RASA3: variants seen among roughly 807,000 people sequenced by gnomAD.
The protein encoded by RASA3 is RAS p21 protein activator 3, also known as ras GTPase-activating protein 3.
RASA3 carries 73 observed loss-of-function variants against 110.0 expected under a neutral mutation model. The ratio of observed to expected loss-of-function variants is 0.66; its 90% CI spans 0.55 to 0.81. The LOEUF (loss-of-function observed/expected upper bound fraction) is 0.81, where lower values mean the gene tolerates loss of function less well. Ranked by LOEUF, RASA3 falls within the 30% of genes least tolerant of loss-of-function variation. The probability of loss-of-function intolerance (pLI) is 0.00; values close to 1 mark genes in which losing one functional copy is unlikely to be tolerated. For missense variants in RASA3, 976 were observed against 1,113.2 expected (o/e 0.88, Z 1.75); for synonymous variants, 500 against 451.4 (o/e 1.11, Z -1.37).
chr13:114,073,594 A>G (rs1008421844), intron 2 of RASA3, 126 bp downstream of exon 2: 5 of 795,072 alleles, frequency 6.3e-6, no homozygotes, highest in Non-Finnish European at 1.1e-5. Flanking sequence ...GGAAAACGGG[A>G]TGGTGACGTA....
At chr13:114,058,238 A>C (rs1296644474) in intron 2 of RASA3, among the ~76,000 whole-genome samples, 1 of 151,376 alleles carries the variant, frequency 6.6e-6, no homozygotes, top group African/African-American at 2.4e-5. Context: ...AGCCCCATGG[A>C]GACCACCCAC....
At chr13:114,061,456 G>T (rs1489205817) in intron 2 of RASA3, among the ~76,000 whole-genome samples, 2 of 151,864 alleles carry the variant, frequency 1.3e-5, no homozygotes, top group Non-Finnish European at 2.9e-5. Context: ...GGATCATGAG[G>T]TCAAGAGATT....
chr13:114,097,050 C>T (rs746530041), intron 1 of RASA3, among the ~76,000 whole-genome samples: 7 of 152,160 alleles, frequency 4.6e-5, no homozygotes, highest in African/African-American at 9.7e-5. Flanking sequence ...GTGTTCATGG[C>T]GTCACAGTTG....
At chr13:114,128,666 T>C (rs1345155124) in intron 1 of RASA3, among the ~76,000 whole-genome samples, 1 of 152,226 alleles carries the variant, frequency 6.6e-6, no homozygotes, top group African/African-American at 2.4e-5. Context: ...AGCGGTTCAA[T>C]GTTGGGCCAG....
At chr13:113,997,163 C>G (rs992147785) in intron 20 of RASA3, among the ~76,000 whole-genome samples, 1 of 152,188 alleles carries the variant, frequency 6.6e-6, no homozygotes, top group Non-Finnish European at 1.5e-5. Context: ...CCAGGTGGCC[C>G]GGCCTGCTCA....
intron 1 of RASA3, among the ~76,000 whole-genome samples, chr13:114,109,938 G>A (rs1316161065): frequency 1.3e-5 from 2 of 152,166 alleles, no homozygotes; most frequent in Non-Finnish European, 2.9e-5. Context: ...CCCGGTGAAC[G>A]TCCCGTCTCC....
chr13:114,097,752 T>C (rs947861277), intron 1 of RASA3, among the ~76,000 whole-genome samples: 6 of 152,196 alleles, frequency 3.9e-5, no homozygotes, highest in African/African-American at 1.4e-4. Context: ...GGAGCTGATG[T>C]GCAGGTTTCT....
rs374464138 is a variant in RASA3, at chr13:114,017,258, G to A, written c.1185C>T (p.Thr395=). 8 of 1,613,708 alleles carry A rather than the reference G, an allele frequency of 5.0e-6. No individual in the cohort carries two copies. In the East Asian group the frequency reaches 1.3e-4, roughly 27 times the overall value. Reference sequence around the variant, plus strand: ...TCACCTCCTCGATGGCGGGCTTCAGGGTGACATGCAGGTAATGCATCCCCG... The same window carrying A: ...TCACCTCCTCGATGGCGGGCTTCAGAGTGACATGCAGGTAATGCATCCCCG... ...KLAGMHYLHV[T]LKPAIEEICQ... The change falls in exon 12 of 24, where the codon ACC becomes ACT. Residue 395 remains threonine, a synonymous_variant. Transcript: ENST00000334062.
intron 16 of RASA3, among the ~76,000 whole-genome samples, chr13:114,010,849 C>A (rs1486123544): frequency 1.9e-5 from 1 of 52,590 alleles, no homozygotes; most frequent in Non-Finnish European, 3.8e-5. Flanking sequence ...CACCGCAACG[C>A]CCAGGAGGCG....
rs1480145710 is a variant in RASA3 at position 114,056,216 on chromosome 13, G to A, written c.174-4061C>T. ...GATGTGTGTCCGATGAATGTCCAGT[G>A]CGTGTCCAATGCGTGTCTGGTGAGT... On this transcript the variant is annotated intron_variant, in intron 2 of 23. Transcript: ENST00000334062. This position sits in a 1 kb window ranked among gnomAD's most constrained non-coding sequence, Gnocchi z 5.7. Among the ~76,000 whole-genome samples, 1 of 152,212 alleles carries A rather than the reference G, an allele frequency of 6.6e-6. No homozygotes were observed. The highest frequency in any genetic ancestry group is 2.4e-5 in the African/African-American group (1 of 41,444).
intron 22 of RASA3, among the ~76,000 whole-genome samples, chr13:113,991,049 G>A (rs78307120): frequency 0.28 from 10,707 of 38,692 alleles, 2,305 homozygotes; most frequent in Middle Eastern, 0.46. Flanking sequence ...GGGCAGCTGT[G>A]CGGACACCCA....
intron 4 of RASA3, among the ~76,000 whole-genome samples, chr13:114,030,394 G>GA (rs2054128804): frequency 1.2e-4 from 7 of 57,398 alleles, no homozygotes; most frequent in African/African-American, 1.8e-4. Flanking sequence ...TCACACAGGA[G>GA]GCAAGACTCA....
chr13:114,126,246 G>A (rs1179930953), intron 1 of RASA3, among the ~76,000 whole-genome samples: 2 of 152,162 alleles, frequency 1.3e-5, no homozygotes, highest in Non-Finnish European at 2.9e-5. Flanking sequence ...GGCACCTGCG[G>A]GGCATGACAC....
chr13:114,100,070 G>A (rs561548890), intron 1 of RASA3, among the ~76,000 whole-genome samples: 6 of 150,672 alleles, frequency 4.0e-5, no homozygotes, highest in African/African-American at 1.5e-4. Context: ...CGTCTGCTCT[G>A]GAAGAGCGGC....
At chr13:113,997,956 G>A (rs991214556) in intron 20 of RASA3, among the ~76,000 whole-genome samples, 12 of 152,204 alleles carry the variant, frequency 7.9e-5, no homozygotes, top group East Asian at 1.9e-4. Context: ...CATGGAGGGC[G>A]TCCTGGCCAT....
rs550194066 is a variant in RASA3, at chr13:114,102,241, C to T, written c.56-28404G>A. Among the ~76,000 whole-genome samples the T allele has an allele frequency of 3.1e-4, 47 of 151,636 alleles. 1 individual carries two copies. The highest frequency in any genetic ancestry group is 9.7e-4 in the African/African-American group (40 of 41,414). On this transcript the variant is annotated intron_variant, in intron 1 of 23. Coordinates refer to ENST00000334062, the MANE Select transcript of RASA3 (RefSeq NM_007368.4). ...GGGTGGTAGGCGGGCAGCAGGTGGGCGGTAGGCGGGCAGTGGGCAGGCAGC... is the reference window on the plus strand; with the variant it reads ...GGGTGGTAGGCGGGCAGCAGGTGGGTGGTAGGCGGGCAGTGGGCAGGCAGC...
chr13:114,111,186 G>C (rs1381954553), intron 1 of RASA3, among the ~76,000 whole-genome samples: 4 of 63,088 alleles, frequency 6.3e-5, no homozygotes, highest in African/African-American at 2.0e-4. Context: ...AGCCACAAAC[G>C]AGCTGCAGGC....
intron 18 of RASA3, among the ~76,000 whole-genome samples, chr13:114,002,649 T>C (rs1012607293): frequency 1.4e-4 from 22 of 152,326 alleles, no homozygotes; most frequent in Non-Finnish European, 2.8e-4. Context: ...CCCAACTTTC[T>C]GAGGGCCTTC....
At chr13:114,091,694 G>C (rs765962800) in intron 1 of RASA3, among the ~76,000 whole-genome samples, 5 of 151,750 alleles carry the variant, frequency 3.3e-5, no homozygotes, top group Non-Finnish European at 7.4e-5. Context: ...GTCCTTGTCT[G>C]GTTTGGGTAT....
Sources: allele counts gnomAD v4.1 joint callset (sites outside exome capture counted in the v4.1 genomes callset), GRCh38; gene constraint gnomAD v4.1.1; non-coding constraint Gnocchi (gnomAD v3.1); transcripts MANE v1.5; gene names NCBI Gene and HGNC (gene_info 2026-07-23, HGNC 2026-07-21).